Variants in PPP2R3C observed in about 807,000 individuals in gnomAD.
PPP2R3C encodes serine/threonine-protein phosphatase 2A regulatory subunit B'' subunit gamma.
A neutral mutation model predicts 63.7 loss-of-function variants in PPP2R3C; 47 were observed. The observed-to-expected ratio is 0.74, with a 90% confidence interval of 0.58 to 0.94. The LOEUF (loss-of-function observed/expected upper bound fraction) is 0.94, where lower values mean the gene tolerates loss of function less well. Ranked by LOEUF, PPP2R3C falls within the 40% of genes least tolerant of loss-of-function variation. The pLI, the probability that PPP2R3C is intolerant of heterozygous loss-of-function variation, is 0.00. For missense variants in PPP2R3C, 421 were observed against 518.4 expected, an observed-to-expected ratio of 0.81 and a Z score of 1.82; for synonymous variants, 180 against 177.4, an observed-to-expected ratio of 1.01 and a Z score of -0.12.
At chr14:35,116,132 T>C (rs925047919) in intron 2 of PPP2R3C, among the ~76,000 whole-genome samples, 4 of 152,112 alleles carry the variant, frequency 2.6e-5, no homozygotes, top group African/African-American at 9.6e-5. Context: ...GGGATTTTAT[T>C]GGGCTCAAAA....
intron 6 of PPP2R3C, chr14:35,100,992 T>C (rs531254116): frequency 7.9e-5 from 12 of 152,120 alleles, no homozygotes; most frequent in African/African-American, 2.2e-4. Context: ...TCCTTTTTTT[T>C]CGAGATGGAC....
At chr14:35,104,123 CA>C (rs2046276699) in intron 6 of PPP2R3C, among the ~76,000 whole-genome samples, 2 of 152,120 alleles carry the variant, frequency 1.3e-5, no homozygotes, top group Non-Finnish European at 2.9e-5. Context: ...TTTTATAAAT[CA>C]AGTGAACTGC....
chr14:35,117,789 G>T (rs2046751477), intron 1 of PPP2R3C, among the ~76,000 whole-genome samples: 1 of 151,958 alleles, frequency 6.6e-6, no homozygotes, highest in East Asian at 1.9e-4. Flanking sequence ...CCGCCTCCCA[G>T]GTTCAAGGGA....
At chr14:35,085,842 C>G (rs2045575304) in intron 12 of PPP2R3C, 64 bp from the exon 13 acceptor site, 1 of 1,342,916 alleles carries the variant, frequency 7.4e-7, no homozygotes. Context: ...CATAGTGATC[C>G]AAAATTCAGG....
rs775229970 is a variant in PPP2R3C at position 35,109,681 on chromosome 14, C to T, written c.404+138G>A. ...AAGTTGCCCAGGCTGGCCTCAAACACCCCAGCTCAAGCAATCCTCTCACCT... is the reference window on the plus strand; with the variant it reads ...AAGTTGCCCAGGCTGGCCTCAAACATCCCAGCTCAAGCAATCCTCTCACCT... On this transcript the variant is annotated intron_variant, in intron 4 of 12. Transcript: ENST00000261475. 32 of 628,444 alleles carry T rather than the reference C, an allele frequency of 5.1e-5. No individual in the cohort carries two copies. The Admixed American group carries it at 5.8e-4, about 11-fold the overall frequency. 38.9% of individuals were successfully genotyped at this position (628,444 alleles called of 1,614,324 possible). A position where few individuals can be genotyped will look rare whatever the true frequency, so the allele number is the denominator to read the frequency against.
chr14:35,105,671 T>C (rs1414102818), intron 6 of PPP2R3C, among the ~76,000 whole-genome samples: 2 of 152,048 alleles, frequency 1.3e-5, no homozygotes, highest in African/African-American at 4.8e-5. Context: ...CACCGAGGTC[T>C]ATGGAAAAAA....
chr14:35,120,803 G>A (rs1322852121), intron 1 of PPP2R3C, among the ~76,000 whole-genome samples: 4 of 152,106 alleles, frequency 2.6e-5, no homozygotes, highest in African/African-American at 7.2e-5. Context: ...AAAATTAGCC[G>A]GGTGTGGTGG....
intron 2 of PPP2R3C, among the ~76,000 whole-genome samples, chr14:35,111,235 C>CAA (rs3058398): frequency 9.6e-4 from 86 of 89,686 alleles, no homozygotes; most frequent in African/African-American, 1.3e-3. Context: ...CTCCATCTAC[C>CAA]AAAAAAAAAA....
intron 10 of PPP2R3C, among the ~76,000 whole-genome samples, chr14:35,091,600 C>G (rs1243548307): frequency 6.6e-6 from 1 of 152,168 alleles, no homozygotes; most frequent in Non-Finnish European, 1.5e-5. Context: ...CTCCCGACCT[C>G]AGGTGATCCG....
At chr14:35,096,418 G>T in intron 9 of PPP2R3C, 140 bp downstream of exon 9, 2 of 795,882 alleles carry the variant, frequency 2.5e-6, no homozygotes, top group Non-Finnish European at 4.0e-6. Context: ...AGTAAATTTT[G>T]GTAATGTAGA....
chr14:35,090,116 C>T (rs182656098), intron 11 of PPP2R3C, among the ~76,000 whole-genome samples: 88 of 152,072 alleles, frequency 5.8e-4, no homozygotes, highest in Non-Finnish European at 1.1e-3. Flanking sequence ...GGCTGTACTA[C>T]CATTGGAAAT....
intron 1 of PPP2R3C, among the ~76,000 whole-genome samples, chr14:35,117,645 G>T (rs2046746182): frequency 6.6e-6 from 1 of 151,386 alleles, no homozygotes; most frequent in South Asian, 2.1e-4. Flanking sequence ...CAACAAGCCT[G>T]TAATTGTTTC....
chr14:35,119,345 A>AT (rs60449773), intron 1 of PPP2R3C, among the ~76,000 whole-genome samples: 54,294 of 151,196 alleles, frequency 0.36, 9,849 homozygotes, highest in South Asian at 0.46. Flanking sequence ...GCCCAAATGA[A>AT]TTTTTTTTAA....
chr14:35,097,681 A>G (rs2046042066), intron 7 of PPP2R3C, among the ~76,000 whole-genome samples: 1 of 151,928 alleles, frequency 6.6e-6, no homozygotes, highest in African/African-American at 2.4e-5. Flanking sequence ...ATGGGGTTTC[A>G]CTATGTTGGC....
intron 6 of PPP2R3C, among the ~76,000 whole-genome samples, chr14:35,106,957 A>G (rs901773833): frequency 6.6e-6 from 1 of 152,132 alleles, no homozygotes; most frequent in Non-Finnish European, 1.5e-5. Context: ...GTGAGCTACC[A>G]CACCCAGCAT....
At chr14:35,108,291 T>G in intron 4 of PPP2R3C, 55 bp from the exon 5 acceptor site, 1 of 1,510,454 alleles carries the variant, frequency 6.6e-7, no homozygotes, top group Non-Finnish European at 8.8e-7. Flanking sequence ...GAAAATGACT[T>G]CTACATAAAT....
Position 35,109,917 on chromosome 14 carries a change from CA to C in PPP2R3C, c.305del (p.Leu102CysfsTer10). The C allele has an allele frequency of 6.3e-7, 1 of 1,598,930 alleles. No homozygotes were observed. Among genetic ancestry groups the C allele is most frequent in the Non-Finnish European group, 8.5e-7 (1 of 1,170,692 alleles). On this transcript the variant is annotated frameshift_variant, in exon 4 of 13. Transcript: ENST00000261475. LOFTEE classifies it high-confidence loss of function. ...DNEELQNLWF[L>X]LDKHQTPPMI... is the part of the protein sequence containing the mutation. ...TAGGTGGTGTCTGGTGTTTGTCCAG[CA>C]AAAACCATAAGTTCTTAAGAGAATT...
At position 35,085,617 on chromosome 14, in the gene PPP2R3C, T is replaced by C; in HGVS notation, c.1335A>G (p.Glu445=). The stretch of plus-strand genomic sequence containing the variant: ...ATGTATCATCAAGGTCTGCAGAGTT[T>C]TCACTGTCATTTGCAACAAGAGCCT... ...NREALVANDS[E]NSADLDDT The change falls in exon 13 of 13, where the codon GAA becomes GAG. Residue 445 remains glutamate (E), a synonymous_variant. Transcript: ENST00000261475. 1 of 1,611,956 alleles carries C rather than the reference T, an allele frequency of 6.2e-7. No homozygotes were observed.
At chr14:35,109,379 T>C (rs2046471494) in intron 4 of PPP2R3C, among the ~76,000 whole-genome samples, 1 of 152,114 alleles carries the variant, frequency 6.6e-6, no homozygotes, top group African/African-American at 2.4e-5. Context: ...AATAACTTCA[T>C]ACCAATGTGA....
Sources: gnomAD v4.1 joint callset for allele counts (sites outside exome capture counted in the v4.1 genomes callset) on GRCh38, gnomAD v4.1.1 for gene constraint, MANE v1.5 for transcripts, NCBI Gene and HGNC (gene_info 2026-07-23, HGNC 2026-07-21) for gene names.